ANO2: variants seen among roughly 807,000 people sequenced by gnomAD.
ANO2 encodes anoctamin 2, also known as anoctamin-2.
ANO2 carries 101 observed loss-of-function variants against 124.2 expected under a neutral mutation model. The observed-to-expected ratio is 0.81, with a 90% CI of 0.69 to 0.96. The LOEUF (loss-of-function observed/expected upper bound fraction) is 0.96. Among genes scored for constraint, ANO2 ranks in the 40% least tolerant of loss-of-function variants. The pLI, the probability that ANO2 is intolerant of heterozygous loss-of-function variation, is 0.00. For missense variants in ANO2, 1,293 were observed against 1,274.5 expected (o/e 1.01, Z -0.22); for synonymous variants, 486 against 482.5 (o/e 1.01, Z -0.09).
chr12:5,832,634 G>T (rs776693052), intron 4 of ANO2, 31 bp from the exon 5 acceptor site: 1 of 1,589,940 alleles, frequency 6.3e-7, no homozygotes, highest in South Asian at 1.1e-5. Flanking sequence ...GGTCTGAAAA[G>T]GGGGCCACTT....
intron 19 of ANO2, among the ~76,000 whole-genome samples, chr12:5,601,431 G>T (rs1352602854): frequency 6.6e-6 from 1 of 151,986 alleles, no homozygotes; most frequent in African/African-American, 2.4e-5. Context: ...ATAATTCTGT[G>T]ATAATAAAAA....
At chr12:5,885,533 T>G (rs1938828128) in intron 3 of ANO2, among the ~76,000 whole-genome samples, 1 of 152,092 alleles carries the variant, frequency 6.6e-6, no homozygotes, top group South Asian at 2.1e-4. Context: ...CTCAATAAAC[T>G]CAACAAGTAG....
intron 23 of ANO2, among the ~76,000 whole-genome samples, chr12:5,574,875 T>C (rs1319329801): frequency 6.6e-6 from 1 of 152,210 alleles, no homozygotes; most frequent in Non-Finnish European, 1.5e-5. Context: ...TCCCATTATG[T>C]ACTTTATCCC....
At chr12:5,605,601 C>A (rs1388130926) in intron 19 of ANO2, among the ~76,000 whole-genome samples, 2 of 152,060 alleles carry the variant, frequency 1.3e-5, no homozygotes, top group African/African-American at 4.8e-5. Context: ...TGAGAAGAGC[C>A]CATTTCCAAT....
At chr12:5,861,996 T>C (rs932161999) in intron 3 of ANO2, among the ~76,000 whole-genome samples, 1 of 152,190 alleles carries the variant, frequency 6.6e-6, no homozygotes, top group African/African-American at 2.4e-5. Flanking sequence ...AACACCATAG[T>C]CTACCTGTGT....
chr12:5,644,142 G>T (rs1380633774), intron 15 of ANO2, among the ~76,000 whole-genome samples: 1 of 152,188 alleles, frequency 6.6e-6, no homozygotes, highest in South Asian at 2.1e-4. Context: ...TTAAAAACTC[G>T]ATTGTTTTGC....
chr12:5,602,541 A>G (rs7297426), intron 19 of ANO2, among the ~76,000 whole-genome samples: 29,902 of 152,130 alleles, frequency 0.2, 3,045 homozygotes, highest in Non-Finnish European at 0.22. Context: ...AGCACGAACC[A>G]CCACACCCGG....
intron 10 of ANO2, among the ~76,000 whole-genome samples, chr12:5,762,810 T>A (rs1394040736): frequency 6.6e-6 from 1 of 151,152 alleles, no homozygotes; most frequent in Non-Finnish European, 1.5e-5. Flanking sequence ...AAGACTTTCT[T>A]GGAGTATTGA....
At chr12:5,626,280 C>T (rs1442895358) in intron 16 of ANO2, among the ~76,000 whole-genome samples, 1 of 152,016 alleles carries the variant, frequency 6.6e-6, no homozygotes, top group Non-Finnish European at 1.5e-5. Flanking sequence ...AGAGCAGGGG[C>T]CCTTGCTATG....
At chr12:5,730,878 C>A (rs1423459879) in intron 14 of ANO2, among the ~76,000 whole-genome samples, 1 of 152,208 alleles carries the variant, frequency 6.6e-6, no homozygotes, top group Admixed American at 6.5e-5. Context: ...TTTGCATTCT[C>A]AACAGTGTAA....
intron 12 of ANO2, among the ~76,000 whole-genome samples, chr12:5,743,472 CGTGTGTGT>C (rs112084814): frequency 6.7e-6 from 1 of 149,568 alleles, no homozygotes; most frequent in Non-Finnish European, 1.5e-5. Flanking sequence ...TGAGAATAGG[CGTGTGTGT>C]GTGTGTGTGT....
At chr12:5,940,020 A>T (rs189684395) in intron 1 of ANO2, among the ~76,000 whole-genome samples, 1 of 152,306 alleles carries the variant, frequency 6.6e-6, no homozygotes, top group Admixed American at 6.5e-5. Flanking sequence ...ACCCAGGACA[A>T]GGCAGGGATA....
rs924342910 is a variant in ANO2 at position 5,923,232 on chromosome 12, A to G, written c.23-428T>C. On this transcript the variant is annotated intron_variant, in intron 1 of 24. Coordinates refer to ENST00000682330, the MANE Select transcript of ANO2 (RefSeq NM_001364791.2). The stretch of plus-strand genomic sequence containing the variant: ...CACCCACATACACACACACATGCAC[A>G]CATACACACACGCATACACACACAT... 1.7e-3 allele frequency among the ~76,000 whole-genome samples: 252 copies of G among 148,648 alleles called. 7 individuals carry two copies. The highest frequency in any genetic ancestry group is 6.2e-3 in the African/African-American group (246 of 39,712).
At chr12:5,750,295 C>T (rs955328932) in intron 11 of ANO2, among the ~76,000 whole-genome samples, 8 of 152,162 alleles carry the variant, frequency 5.3e-5, no homozygotes, top group South Asian at 2.1e-4. Context: ...TATCTCTTGG[C>T]GCTCCAAGAG....
chr12:5,629,284 C>T (rs1291635894), intron 16 of ANO2, among the ~76,000 whole-genome samples: 1 of 152,192 alleles, frequency 6.6e-6, no homozygotes, highest in Non-Finnish European at 1.5e-5. Context: ...AGAAGCCTGC[C>T]ATCAGCTGTG....
chr12:5,609,891 T>A (rs1025527823), intron 19 of ANO2, among the ~76,000 whole-genome samples: 2 of 147,642 alleles, frequency 1.4e-5, no homozygotes, highest in Non-Finnish European at 3.0e-5. Context: ...ATATGTTTTA[T>A]ACATATAAAA....
At chr12:5,643,466 G>A (rs1946483882) in intron 15 of ANO2, among the ~76,000 whole-genome samples, 2 of 152,052 alleles carry the variant, frequency 1.3e-5, no homozygotes, top group South Asian at 4.2e-4. Context: ...CAGGCATTTG[G>A]ACTGTTTCCA....
At chr12:5,824,791 G>A (rs1231567016) in intron 7 of ANO2, among the ~76,000 whole-genome samples, 1 of 152,128 alleles carries the variant, frequency 6.6e-6, no homozygotes, top group Non-Finnish European at 1.5e-5. Context: ...GAAGAAAAAG[G>A]ACTTACAGTT....
chr12:5,792,715 T>A (rs1427149519), intron 10 of ANO2, among the ~76,000 whole-genome samples: 2 of 152,218 alleles, frequency 1.3e-5, no homozygotes, highest in Non-Finnish European at 2.9e-5. Context: ...TATGTTGTTT[T>A]CCTACAGCCT....
Sources: allele counts gnomAD v4.1 joint callset (sites outside exome capture counted in the v4.1 genomes callset), GRCh38; gene constraint gnomAD v4.1.1; transcripts MANE v1.5; gene names NCBI Gene and HGNC (gene_info 2026-07-23, HGNC 2026-07-21).